Variants in XKR5 observed in about 807,000 individuals in gnomAD.
XKR5 encodes the protein XK related 5.
In XKR5, 46 loss-of-function variants were observed where a neutral mutation model predicts 40.8. That is an observed-to-expected ratio of 1.13 (90% CI 0.89 to 1.44). The LOEUF is 1.44. Ranked by LOEUF, XKR5 falls within the 40% of genes most tolerant of loss-of-function variation. The pLI, the probability that XKR5 is intolerant of heterozygous loss-of-function variation, is 0.00. For missense variants in XKR5, 1,169 were observed against 844.7 expected, an observed-to-expected ratio of 1.38 and a Z score of -4.76; for synonymous variants, 466 against 356.1, an observed-to-expected ratio of 1.31 and a Z score of -3.48.
chr8:6,828,624 G>A (rs982734065), intron 2 of XKR5, among the ~76,000 whole-genome samples: 1 of 152,148 alleles, frequency 6.6e-6, no homozygotes, highest in Non-Finnish European at 1.5e-5. Flanking sequence ...GATGGTGTCC[G>A]ACATCTGTCC....
chr8:6,824,667 A>C (rs1486319582), intron 3 of XKR5, among the ~76,000 whole-genome samples: 2 of 152,138 alleles, frequency 1.3e-5, no homozygotes, highest in Admixed American at 1.3e-4. Context: ...AATAGCTGGC[A>C]CTGCAACTGC....
In XKR5 at chr8:6,811,279, C is replaced by T. The variant is rs752120389; in HGVS notation, c.1980G>A (p.Thr660=). The change falls in exon 7 of 7, where the codon ACG becomes ACA. Residue 660 remains threonine (T), a synonymous_variant. Coordinates refer to ENST00000618742, the MANE Select transcript of XKR5 (RefSeq NM_207411.5). ...QLRTAHEPCL[T]STPKSESIQT... is the part of the protein sequence containing the mutation. The stretch of plus-strand genomic sequence containing the variant: ...GGATAGACTCAGACTTAGGGGTGGA[C>T]GTGAGGCAGGGCTCATGGGCAGTCC... 71 of 1,537,156 alleles carry T rather than the reference C, an allele frequency of 4.6e-5. No individual in the cohort carries two copies. The highest frequency in any genetic ancestry group is 1.3e-4 in the South Asian group (11 of 84,074).
At chr8:6,814,895 C>G (rs1279251172) in intron 6 of XKR5, among the ~76,000 whole-genome samples, 1 of 152,164 alleles carries the variant, frequency 6.6e-6, no homozygotes, top group African/African-American at 2.4e-5. Context: ...AGGTCCAGGC[C>G]ACTCACACAG....
At chr8:6,834,170 G>T (rs1263131529) in intron 1 of XKR5, among the ~76,000 whole-genome samples, 1 of 152,192 alleles carries the variant, frequency 6.6e-6, no homozygotes, top group Admixed American at 6.5e-5. Context: ...GAGGCGGTGC[G>T]CTGGTAGAGG....
chr8:6,822,498 A>ATT (rs35990327), intron 4 of XKR5, among the ~76,000 whole-genome samples: 2 of 152,042 alleles, frequency 1.3e-5, no homozygotes, highest in Non-Finnish European at 1.5e-5. Context: ...TTTCAAGCTG[A>ATT]TTTTTTTTAA....
In XKR5 at chr8:6,815,096, G is replaced by C. The variant is rs1803897242; in HGVS notation, c.919+711C>G. 2.0e-5 allele frequency among the ~76,000 whole-genome samples: 3 copies of C among 152,330 alleles called. No individual in the cohort carries two copies. In the South Asian group the frequency reaches 6.2e-4, roughly 32 times the overall value. ...CCCCACGTGAGAGGTGCAGGTGCTG[G>C]CTTTGACGGTCCCACCGCAGGCCTG... On this transcript the variant is annotated intron_variant, in intron 6 of 6. Transcript: ENST00000618742.
chr8:6,835,368 C>A (rs931881566), intron 1 of XKR5, 68 bp downstream of exon 1: 1 of 1,342,820 alleles, frequency 7.4e-7, no homozygotes, highest in Non-Finnish European at 9.6e-7. Context: ...GCAGCCTGTG[C>A]GGCTCCCGGC....
intron 1 of XKR5, among the ~76,000 whole-genome samples, chr8:6,834,087 C>G (rs1267490332): frequency 6.6e-6 from 1 of 152,168 alleles, no homozygotes; most frequent in African/African-American, 2.4e-5. Context: ...ATGGGGAACT[C>G]CCTGGCCTGG....
intron 5 of XKR5, among the ~76,000 whole-genome samples, chr8:6,819,619 T>C (rs573223259): frequency 6.6e-6 from 1 of 152,300 alleles, no homozygotes; most frequent in South Asian, 2.1e-4. Flanking sequence ...GTCTGGGCAG[T>C]GTGCATGGTG....
chr8:6,814,734 G>A (rs1052283801), intron 6 of XKR5, among the ~76,000 whole-genome samples: 5 of 152,234 alleles, frequency 3.3e-5, no homozygotes, highest in East Asian at 1.9e-4. Flanking sequence ...GTGAGGACCC[G>A]TGACGTCTCA....
In XKR5 at chr8:6,811,931, T is replaced by C. The variant is rs1397122757; in HGVS notation, c.1328A>G (p.Tyr443Cys). Residue 443 changes from tyrosine to cysteine, a missense_variant, in exon 7 of 7, where the codon TAC (tyrosine) becomes TGC (cysteine). By Grantham distance (194) the Tyr-to-Cys change is radical (BLOSUM62 -2). Transcript: ENST00000618742. ...PPAWGLSQQD[Y>C]LQRKALSAQQ... ...GGCAGACAAGGCCTTTCTCTGCAGG[T>C]AGTCCTGTTGACTCAACCCCCATGC... The C allele has an allele frequency of 1.3e-6, 2 of 1,537,278 alleles. No homozygotes were observed. Among genetic ancestry groups the C allele is most frequent in the African/African-American group, 2.7e-5 (2 of 73,076 alleles).
chr8:6,826,480 G>A (rs1804484293), intron 2 of XKR5, among the ~76,000 whole-genome samples: 1 of 152,086 alleles, frequency 6.6e-6, no homozygotes, highest in Non-Finnish European at 1.5e-5. Context: ...AAATAGTGGA[G>A]TTGGAGATCA....
At chr8:6,819,879 CCT>C (rs1353293837) in intron 5 of XKR5, among the ~76,000 whole-genome samples, 11 of 146,954 alleles carry the variant, frequency 7.5e-5, no homozygotes, top group South Asian at 7.2e-4. Flanking sequence ...CTCCCTCCTT[CCT>C]TCCTTCCTTC....
chr8:6,827,441 T>A (rs757786484), intron 2 of XKR5, among the ~76,000 whole-genome samples: 3 of 152,108 alleles, frequency 2.0e-5, no homozygotes, highest in East Asian at 3.9e-4. Context: ...TGGCAAACAT[T>A]TCTATGTCCA....
rs532823284 is a variant in XKR5, at chr8:6,812,118, C to T, written c.1141G>A (p.Glu381Lys). The change falls in exon 7 of 7, where the codon GAG becomes AAG. Residue 381 changes from glutamate to lysine, a missense_variant. Coordinates refer to ENST00000618742, the MANE Select transcript of XKR5 (RefSeq NM_207411.5). ...PTILGKPPTP[E>K]QVPPEAGLGT... ...AGCCCAGCCTCTGGGGGGACCTGCTCAGGGGTAGGGGGCTTCCCTAAAATG... is the reference window on the plus strand; with the variant it reads ...AGCCCAGCCTCTGGGGGGACCTGCTTAGGGGTAGGGGGCTTCCCTAAAATG... The T allele has an allele frequency of 3.2e-6, 5 of 1,547,922 alleles. No individual in the cohort carries two copies. The highest frequency in any genetic ancestry group is 2.4e-5 in the East Asian group (1 of 40,922).
rs376114680 is a variant in XKR5, at chr8:6,822,041, G to A, written c.638-3C>T. 1.2e-4 allele frequency: 197 copies of A among 1,602,128 alleles called. 1 individual carries two copies. In the African/African-American group the frequency reaches 2.2e-3, roughly 18 times the overall value. Reference sequence around the variant, plus strand: ...TGTCATCACCAGCCAGTGGGCACCTGCAGAGAAGCCGGGTGCAGACGTCAG... The same window carrying A: ...TGTCATCACCAGCCAGTGGGCACCTACAGAGAAGCCGGGTGCAGACGTCAG... On this transcript the variant is annotated splice_region_variant and splice_polypyrimidine_tract_variant and intron_variant, in intron 4 of 6. Coordinates refer to ENST00000618742, the MANE Select transcript of XKR5 (RefSeq NM_207411.5).
Position 6,819,837 on chromosome 8 carries a change from TCTTCCCTA to T in XKR5, c.807+2024_807+2031del, listed in dbSNP as rs1563353249. Among the ~76,000 whole-genome samples the T allele has an allele frequency of 6.4e-4, 90 of 141,012 alleles. 1 individual carries two copies. The highest frequency in any genetic ancestry group is 6.2e-3 in the South Asian group (26 of 4,188). 92.5% of individuals were successfully genotyped at this position (141,012 alleles called of 152,430 possible). On this transcript the variant is annotated intron_variant, in intron 5 of 6. Transcript: ENST00000618742. ...CCTTCCTCTTCCCTACCTTCCTTCCTCTTCCCTACCTTCCTTTCCTTCCTTCCTTCCCT... is the reference window on the plus strand; with the variant it reads ...CCTTCCTCTTCCCTACCTTCCTTCCTCCTTCCTTTCCTTCCTTCCTTCCCT...
At chr8:6,828,518 A>C (rs1804621954) in intron 2 of XKR5, among the ~76,000 whole-genome samples, 1 of 152,152 alleles carries the variant, frequency 6.6e-6, no homozygotes, top group Admixed American at 6.5e-5. Context: ...CAGAGGGAGA[A>C]ATTCAGGCTG....
chr8:6,820,115 C>T (rs897392217), intron 5 of XKR5, among the ~76,000 whole-genome samples: 1 of 152,230 alleles, frequency 6.6e-6, no homozygotes, highest in Admixed American at 6.5e-5. Context: ...CAGTTCAGAA[C>T]CGAAGGATCC....
Sources: allele counts gnomAD v4.1 joint callset (sites outside exome capture counted in the v4.1 genomes callset), GRCh38; gene constraint gnomAD v4.1.1; transcripts MANE v1.5; gene names NCBI Gene and HGNC (gene_info 2026-07-23, HGNC 2026-07-21).